RGS6: variants seen among roughly 807,000 people sequenced by gnomAD.
The protein encoded by RGS6 is regulator of G protein signaling 6, also known as regulator of G-protein signaling 6.
RGS6 carries 30 observed loss-of-function variants against 78.5 expected under a neutral mutation model. The ratio of observed to expected loss-of-function variants is 0.38; its 90% CI spans 0.29 to 0.52. RGS6 has a LOEUF of 0.52. RGS6 is among the 20% of genes least tolerant of loss of function. The pLI is 0.85. For missense variants in RGS6, 495 were observed against 609.7 expected, an observed-to-expected ratio of 0.81 and a Z score of 1.98; for synonymous variants, 206 against 206.0, an observed-to-expected ratio of 1.00 and a Z score of 0.00.
At chr14:72,593,054 CA>C in the RGS6 span, among the ~76,000 whole-genome samples, 1 of 152,250 alleles carries the variant, frequency 6.6e-6, no homozygotes, top group South Asian at 2.1e-4. Context: ...AGATGATTTC[CA>C]ATTCCTAGGA....
At chr14:72,104,606 A>C (rs76263126) in intron 2 of RGS6, among the ~76,000 whole-genome samples, 37,892 of 152,194 alleles carry the variant, frequency 0.25, 5,406 homozygotes, top group Non-Finnish European at 0.33. Context: ...GTGGCCTTTG[A>C]TGCCTCAGTT....
chr14:71,995,509 C>G (rs72735954), intron 2 of RGS6, among the ~76,000 whole-genome samples: 1 of 152,298 alleles, frequency 6.6e-6, no homozygotes, highest in Non-Finnish European at 1.5e-5. Flanking sequence ...CCTGCTGTGT[C>G]GCTTACTGGC....
chr14:72,121,510 T>C (rs2096052811), intron 2 of RGS6, among the ~76,000 whole-genome samples: 1 of 152,126 alleles, frequency 6.6e-6, no homozygotes, highest in South Asian at 2.1e-4. Context: ...TTTAACTCCA[T>C]TAGGGATCAC....
At chr14:71,953,293 T>C (rs1566899209) in intron 1 of RGS6, among the ~76,000 whole-genome samples, 2 of 152,144 alleles carry the variant, frequency 1.3e-5, no homozygotes, top group Non-Finnish European at 2.9e-5. Flanking sequence ...TGTAAAGGGC[T>C]AAATAGTAAA....
Position 72,546,263 on chromosome 14 carries a change from A to G in RGS6, c.1422+6169A>G, listed in dbSNP as rs2097401024. Among the ~76,000 whole-genome samples, 2 of 152,240 alleles carry G rather than the reference A, an allele frequency of 1.3e-5. 1 individual carries two copies. The highest frequency in any genetic ancestry group is 6.3e-3 in the Middle Eastern group (2 of 316). On this transcript the variant is annotated intron_variant, in intron 17 of 17. Transcript: ENST00000553525. ...CTTGACTCTGTGTGAAATTAGGAAA[A>G]GCATATTTACTGTTATAGTTTTGTA...
Position 72,137,465 on chromosome 14 carries a change from T to TG in RGS6, c.84+172591dup, listed in dbSNP as rs549175545. Among the ~76,000 whole-genome samples, 28 of 152,342 alleles carry TG rather than the reference T, an allele frequency of 1.8e-4. 1 individual carries two copies. In the South Asian group the frequency reaches 5.6e-3, roughly 30 times the overall value. On this transcript the variant is annotated intron_variant, in intron 2 of 17. Transcript: ENST00000553525. ...GGTAAAGGGCTCAGCCCCACAAGACTGCCCTTCACTTAAAATGCCAATCGC... is the reference window on the plus strand; with the variant it reads ...GGTAAAGGGCTCAGCCCCACAAGACTGGCCCTTCACTTAAAATGCCAATCGC...
At chr14:72,510,571 A>G (rs1048567617) in intron 14 of RGS6, among the ~76,000 whole-genome samples, 11 of 152,248 alleles carry the variant, frequency 7.2e-5, no homozygotes, top group Admixed American at 6.5e-4. Context: ...TGACAACATC[A>G]TTCATTAAGT....
At chr14:72,460,129 A>G (rs2095741880) in intron 6 of RGS6, among the ~76,000 whole-genome samples, 1 of 152,156 alleles carries the variant, frequency 6.6e-6, no homozygotes, top group Non-Finnish European at 1.5e-5. Flanking sequence ...GACAGTTGCA[A>G]TTTAGAAAAG....
chr14:72,410,318 G>C (rs2153048818), intron 3 of RGS6, among the ~76,000 whole-genome samples: 1 of 152,364 alleles, frequency 6.6e-6, no homozygotes. Flanking sequence ...CTGATGGCCA[G>C]TGATGATGAG....
In RGS6 at chr14:72,560,530, C is replaced by T. The variant is rs1290739735; in HGVS notation, c.1423-1887C>T. Among the ~76,000 whole-genome samples the T allele has an allele frequency of 3.3e-5, 5 of 152,098 alleles. No homozygotes were observed. In the East Asian group the frequency reaches 7.7e-4, roughly 23 times the overall value. Reference sequence around the variant, plus strand: ...AGAAAGGGCACTCAAGGAGAGTCACCGCTGGGTGTGTGCCACAGAACCCGG... The same window carrying T: ...AGAAAGGGCACTCAAGGAGAGTCACTGCTGGGTGTGTGCCACAGAACCCGG... On this transcript the variant is annotated intron_variant, in intron 17 of 17. Coordinates refer to ENST00000553525, the MANE Select transcript of RGS6 (RefSeq NM_001204424.2).
At chr14:72,101,633 T>C (rs1224601909) in intron 2 of RGS6, among the ~76,000 whole-genome samples, 1 of 152,180 alleles carries the variant, frequency 6.6e-6, no homozygotes, top group African/African-American at 2.4e-5. Context: ...GTGTACACTT[T>C]GGAGAGTGAA....
intron 2 of RGS6, among the ~76,000 whole-genome samples, chr14:72,214,941 A>G (rs2045196045): frequency 6.6e-6 from 1 of 152,246 alleles, no homozygotes. Context: ...AAGATTTGCA[A>G]TTTGCATAAA....
At chr14:72,492,659 A>T (rs772586334) in intron 12 of RGS6, among the ~76,000 whole-genome samples, 1 of 152,146 alleles carries the variant, frequency 6.6e-6, no homozygotes, top group African/African-American at 2.4e-5. Flanking sequence ...GCATGCCAAC[A>T]TACTATACTT....
rs555073056 is a variant in RGS6, at chr14:72,397,813, T to C, written c.184+45619T>C. Among the ~76,000 whole-genome samples, 224 of 152,324 alleles carry C rather than the reference T, an allele frequency of 1.5e-3. 1 individual carries two copies. The highest frequency in any genetic ancestry group is 5.1e-3 in the African/African-American group (213 of 41,566). On this transcript the variant is annotated intron_variant, in intron 3 of 17. Coordinates refer to ENST00000553525, the MANE Select transcript of RGS6 (RefSeq NM_001204424.2). ...TTCTACATCTTTTGAGATAATCATG[T>C]GGTTTTTGTCTTTGGTTCTGTTTAT...
At chr14:72,439,031 TCTC>T (rs2095068815) in intron 3 of RGS6, among the ~76,000 whole-genome samples, 1 of 152,196 alleles carries the variant, frequency 6.6e-6, no homozygotes, top group Admixed American at 6.5e-5. Flanking sequence ...CACACGACCA[TCTC>T]CTTCTTGTTC....
chr14:72,162,096 G>A (rs1186959517), intron 2 of RGS6, among the ~76,000 whole-genome samples: 4 of 151,990 alleles, frequency 2.6e-5, no homozygotes, highest in Non-Finnish European at 4.4e-5. Flanking sequence ...TGAAAACTTT[G>A]ACTATGACAT....
intron 2 of RGS6, among the ~76,000 whole-genome samples, chr14:72,013,377 A>C (rs1166952964): frequency 1.3e-5 from 2 of 152,046 alleles, no homozygotes; most frequent in Admixed American, 1.3e-4. Context: ...CCATTTGATC[A>C]GTTCTTACAT....
In RGS6 at chr14:72,429,335, AG is replaced by A. The variant is rs555226589; in HGVS notation, c.185-25190del. 1.4e-4 allele frequency among the ~76,000 whole-genome samples: 22 copies of A among 152,336 alleles called. No individual in the cohort carries two copies. The East Asian group carries it at 4.0e-3, about 28-fold the overall frequency. On this transcript the variant is annotated intron_variant, in intron 3 of 17. Coordinates refer to ENST00000553525, the MANE Select transcript of RGS6 (RefSeq NM_001204424.2). ...AGGCATTCTTAACTTCATATGTGGCAGGGTGAGTGGATGTTGAGGGCCCCAG... is the reference window on the plus strand; with the variant it reads ...AGGCATTCTTAACTTCATATGTGGCAGGTGAGTGGATGTTGAGGGCCCCAG...
intron 3 of RGS6, among the ~76,000 whole-genome samples, chr14:72,448,785 A>AT (rs745796690): frequency 1.2e-3 from 187 of 152,348 alleles, no homozygotes; most frequent in Non-Finnish European, 2.2e-3. Context: ...ACTACTTGGA[A>AT]AGTTATACAG....
Sources: gnomAD v4.1 joint callset for allele counts (sites outside exome capture counted in the v4.1 genomes callset) on GRCh38, gnomAD v4.1.1 for gene constraint, MANE v1.5 for transcripts, NCBI Gene and HGNC (gene_info 2026-07-23, HGNC 2026-07-21) for gene names.